GPC6: variants seen among roughly 807,000 people sequenced by gnomAD.
GPC6 encodes glypican-6.
A neutral mutation model predicts 55.2 loss-of-function variants in GPC6; 14 were observed. The ratio of observed to expected loss-of-function variants is 0.25; its 90% confidence interval spans 0.17 to 0.40. The LOEUF (loss-of-function observed/expected upper bound fraction) is 0.40. Among genes scored for constraint, GPC6 ranks in the 10% least tolerant of loss-of-function variants. The pLI, the probability that GPC6 is intolerant of heterozygous loss-of-function variation, is 1.00. For synonymous variants in GPC6, 278 were observed against 259.6 expected (o/e 1.07, Z -0.68); for missense variants, 641 against 708.5 (o/e 0.90, Z 1.08).
At chr13:94,214,390 G>A (rs1489735096) in intron 4 of GPC6, among the ~76,000 whole-genome samples, 2 of 152,114 alleles carry the variant, frequency 1.3e-5, no homozygotes, top group Non-Finnish European at 2.9e-5. Flanking sequence ...AGTCAGGCTT[G>A]GGTAGGTAGG....
chr13:93,441,792 G>T (rs554744744), intron 1 of GPC6, among the ~76,000 whole-genome samples: 10 of 152,202 alleles, frequency 6.6e-5, no homozygotes, highest in Non-Finnish European at 1.5e-4. Flanking sequence ...GAATGGTATT[G>T]CCTAGATTCT....
chr13:93,709,063 A>G (rs1039875451), intron 2 of GPC6, among the ~76,000 whole-genome samples: 1 of 151,806 alleles, frequency 6.6e-6, no homozygotes, highest in East Asian at 1.9e-4. Context: ...AAGATGCACA[A>G]ATTAAGTGAG....
At chr13:93,874,507 GT>G (rs1287482547) in intron 3 of GPC6, among the ~76,000 whole-genome samples, 1 of 151,012 alleles carries the variant, frequency 6.6e-6, no homozygotes, top group African/African-American at 2.4e-5. Flanking sequence ...TAGCAGTCAT[GT>G]TTTAAAGTTA....
At chr13:93,597,577 A>G (rs1877816634) in intron 2 of GPC6, among the ~76,000 whole-genome samples, 1 of 151,762 alleles carries the variant, frequency 6.6e-6, no homozygotes, top group South Asian at 2.1e-4. Context: ...ATTTTCTTCC[A>G]CCTCTGCCAC....
intron 4 of GPC6, among the ~76,000 whole-genome samples, chr13:94,196,306 G>A (rs1244585930): frequency 6.6e-6 from 1 of 150,764 alleles, no homozygotes; most frequent in African/African-American, 2.4e-5. Context: ...AAATCAAGCT[G>A]TACATTTGTG....
intron 2 of GPC6, among the ~76,000 whole-genome samples, chr13:93,782,086 AT>A (rs944751332): frequency 1.3e-5 from 2 of 152,000 alleles, no homozygotes; most frequent in African/African-American, 4.8e-5. Context: ...CATATTCCCA[AT>A]CCCCACACCC....
intron 2 of GPC6, among the ~76,000 whole-genome samples, chr13:93,618,093 C>T (rs755469633): frequency 1.3e-5 from 2 of 151,968 alleles, no homozygotes; most frequent in African/African-American, 4.8e-5. Flanking sequence ...TTTACCTTTC[C>T]TCCATGTATT....
intron 3 of GPC6, among the ~76,000 whole-genome samples, chr13:93,921,212 TACAG>T (rs1877552036): frequency 6.6e-6 from 1 of 152,126 alleles, no homozygotes; most frequent in South Asian, 2.1e-4. Context: ...AGGATGAACA[TACAG>T]ACAGACAGGT....
intron 4 of GPC6, among the ~76,000 whole-genome samples, chr13:94,195,140 G>C (rs183959348): frequency 6.6e-6 from 1 of 152,144 alleles, no homozygotes; most frequent in Non-Finnish European, 1.5e-5. Context: ...GTAAGTACTG[G>C]TGTCCCCATG....
chr13:94,109,235 A>G (rs1886158096), intron 4 of GPC6, among the ~76,000 whole-genome samples: 1 of 152,208 alleles, frequency 6.6e-6, no homozygotes, highest in Non-Finnish European at 1.5e-5. Context: ...GATGGGTGCT[A>G]TGGCAGCAGA....
At position 93,366,631 on chromosome 13, in the gene GPC6, A is replaced by G. The variant is rs189025985; in HGVS notation, c.160+139015A>G. 1.8e-3 allele frequency among the ~76,000 whole-genome samples: 273 copies of G among 152,184 alleles called. 1 individual carries two copies. The highest frequency in any genetic ancestry group is 0.014 in the Middle Eastern group (4 of 294). On this transcript the variant is annotated intron_variant, in intron 1 of 8. Coordinates refer to ENST00000377047, the MANE Select transcript of GPC6 (RefSeq NM_005708.5). ...ACAGTTTATTTTTGATAAGTCTTGCAATACTTTTTGGGGAGTGTTAGGGGA... is the reference window on the plus strand; with the variant it reads ...ACAGTTTATTTTTGATAAGTCTTGCGATACTTTTTGGGGAGTGTTAGGGGA...
chr13:93,882,919 G>T (rs955194656), intron 3 of GPC6, among the ~76,000 whole-genome samples: 1 of 152,130 alleles, frequency 6.6e-6, no homozygotes, highest in Non-Finnish European at 1.5e-5. Context: ...GTCATCTGTC[G>T]CAAGATAGGC....
At chr13:93,779,484 A>G (rs1893020353) in intron 2 of GPC6, among the ~76,000 whole-genome samples, 1 of 152,116 alleles carries the variant, frequency 6.6e-6, no homozygotes, top group Non-Finnish European at 1.5e-5. Flanking sequence ...GTATCTATGG[A>G]CCATTAGAGT....
intron 2 of GPC6, among the ~76,000 whole-genome samples, chr13:93,556,112 T>C (rs1875450329): frequency 6.6e-6 from 1 of 152,140 alleles, no homozygotes; most frequent in South Asian, 2.1e-4. Flanking sequence ...CAGTGAATTA[T>C]ACAATTATAC....
At chr13:93,627,352 C>T (rs934130534) in intron 2 of GPC6, among the ~76,000 whole-genome samples, 5 of 152,156 alleles carry the variant, frequency 3.3e-5, no homozygotes, top group African/African-American at 7.2e-5. Flanking sequence ...TTTATGGCTG[C>T]GTAATATTTC....
rs117609072 is a variant in GPC6, at chr13:94,293,385, A to G, written c.1008+6906A>G. Among the ~76,000 whole-genome samples the G allele has an allele frequency of 2.6e-5, 4 of 152,294 alleles. No homozygotes were observed. In the East Asian group the frequency reaches 7.7e-4, roughly 29 times the overall value. On this transcript the variant is annotated intron_variant, in intron 5 of 8. Transcript: ENST00000377047. The stretch of plus-strand genomic sequence containing the variant: ...AGTTTTCACAAGATCCAATGGTTAC[A>G]TAAGTGTTTGACAGTTCCTCCTTCA...
chr13:93,320,260 G>A (rs1879389411), intron 1 of GPC6, among the ~76,000 whole-genome samples: 1 of 152,014 alleles, frequency 6.6e-6, no homozygotes, highest in Admixed American at 6.6e-5. Flanking sequence ...CAGAATAACT[G>A]ACTCTTAGGA....
intron 2 of GPC6, among the ~76,000 whole-genome samples, chr13:93,693,403 T>A (rs182755529): frequency 5.9e-5 from 9 of 152,124 alleles, no homozygotes; most frequent in Admixed American, 5.9e-4. Context: ...TGTAATTTAT[T>A]CTTAATGTGT....
At chr13:93,492,590 G>C (rs1404077073) in intron 1 of GPC6, among the ~76,000 whole-genome samples, 1 of 139,058 alleles carries the variant, frequency 7.2e-6, no homozygotes, top group Non-Finnish European at 1.5e-5. Context: ...GGGCATCCCT[G>C]TCTTGTGCCA....
Sources: gnomAD v4.1 joint callset for allele counts (sites outside exome capture counted in the v4.1 genomes callset) on GRCh38, gnomAD v4.1.1 for gene constraint, MANE v1.5 for transcripts, NCBI Gene and HGNC (gene_info 2026-07-23, HGNC 2026-07-21) for gene names.